CRB1: variants seen among roughly 807,000 people sequenced by gnomAD.
CRB1 encodes the protein protein crumbs homolog 1.
In CRB1, 83 loss-of-function variants were observed where a neutral mutation model predicts 120.0. That is an observed-to-expected ratio of 0.69 (90% confidence interval 0.58 to 0.83). The LOEUF (loss-of-function observed/expected upper bound fraction) is 0.83, where lower values mean the gene tolerates loss of function less well. CRB1 is among the 40% of genes least tolerant of loss of function. The pLI, the probability that CRB1 is intolerant of heterozygous loss-of-function variation, is 0.00. For missense variants in CRB1, 1,699 were observed against 1,687.6 expected, an observed-to-expected ratio of 1.01 and a Z score of -0.12; for synonymous variants, 625 against 612.5, an observed-to-expected ratio of 1.02 and a Z score of -0.30.
At chr1:197,342,679 T>C (rs537779027) in intron 2 of CRB1, among the ~76,000 whole-genome samples, 1 of 152,328 alleles carries the variant, frequency 6.6e-6, no homozygotes, top group East Asian at 1.9e-4. Context: ...TTATTCTAAA[T>C]TCTCTTTTAG....
intron 4 of CRB1, among the ~76,000 whole-genome samples, chr1:197,353,439 G>C (rs959942340): frequency 3.9e-5 from 6 of 152,176 alleles, no homozygotes; most frequent in Non-Finnish European, 7.3e-5. Context: ...ACTGTAAATT[G>C]TTTCCAAAAC....
In CRB1 at chr1:197,392,821, A is replaced by C. The variant is rs770168884; in HGVS notation, c.1172-28179A>C. On this transcript the variant is annotated intron_variant, in intron 5 of 11. Transcript: ENST00000367400. Reference sequence around the variant, plus strand: ...GGGAAGCTGTCCTTGCAAAGGAATTAAGTATTATTTGAAATGAGAAAGTGT... The same window carrying C: ...GGGAAGCTGTCCTTGCAAAGGAATTCAGTATTATTTGAAATGAGAAAGTGT... 1.3e-5 allele frequency among the ~76,000 whole-genome samples: 2 copies of C among 152,220 alleles called. 1 individual carries two copies. The highest frequency in any genetic ancestry group is 6.8e-3 in the Middle Eastern group (2 of 294).
intron 5 of CRB1, among the ~76,000 whole-genome samples, chr1:197,395,120 C>T (rs12121624): frequency 6.6e-6 from 1 of 152,196 alleles, no homozygotes; most frequent in East Asian, 1.9e-4. Context: ...CCACATTAAG[C>T]TGGAATCTAA....
At chr1:197,431,806 A>C (rs912912246) in intron 8 of CRB1, among the ~76,000 whole-genome samples, 1 of 152,220 alleles carries the variant, frequency 6.6e-6, no homozygotes, top group Non-Finnish European at 1.5e-5. Flanking sequence ...TGTAGAGAGA[A>C]AACGTAAATA....
intron 2 of CRB1, among the ~76,000 whole-genome samples, chr1:197,331,026 C>CA (rs1184325286): frequency 2.6e-5 from 4 of 151,920 alleles, no homozygotes; most frequent in African/African-American, 4.8e-5. Flanking sequence ...ACTAAAAATA[C>CA]AAAAAATTAG....
chr1:197,418,820 T>C (rs1367838382), intron 5 of CRB1, among the ~76,000 whole-genome samples: 1 of 152,122 alleles, frequency 6.6e-6, no homozygotes, highest in Non-Finnish European at 1.5e-5. Flanking sequence ...AAACAGGCAT[T>C]TTCCTTCCTT....
chr1:197,455,385 G>T (rs537561564), intron 11 of CRB1, among the ~76,000 whole-genome samples: 2 of 152,104 alleles, frequency 1.3e-5, no homozygotes, highest in African/African-American at 4.8e-5. Context: ...TTTGGCATCA[G>T]TTCCATCTAT....
chr1:197,465,014 G>A (rs979155190), intron 11 of CRB1, among the ~76,000 whole-genome samples: 1 of 151,946 alleles, frequency 6.6e-6, no homozygotes, highest in African/African-American at 2.4e-5. Context: ...CCTTTCCTTG[G>A]GCAAGGGTCT....
intron 1 of CRB1, among the ~76,000 whole-genome samples, chr1:197,310,109 A>C (rs1657425768): frequency 6.6e-6 from 1 of 152,170 alleles, no homozygotes; most frequent in South Asian, 2.1e-4. Context: ...TGAATGATAA[A>C]TTTCTCTATG....
rs1254393801 is a variant in CRB1 at position 197,429,468 on chromosome 1, G to T, written c.2696G>T (p.Gly899Val). ...NSCKSNPCHN[G>V]GVCHSRWDDF... Reference sequence around the variant, plus strand: ...GCTCAGTCCAACCCCTGTCACAATGGAGGTGTTTGCCATTCCCGGTGGGAT... The same window carrying T: ...GCTCAGTCCAACCCCTGTCACAATGTAGGTGTTTGCCATTCCCGGTGGGAT... Residue 899 changes from glycine to valine, a missense_variant, in exon 8 of 12, where the codon GGA (glycine) becomes GTA (valine). Gly to Val is a moderately radical substitution (Grantham distance 109). Coordinates refer to ENST00000367400, the MANE Select transcript of CRB1 (RefSeq NM_201253.3). 1 of 1,613,942 alleles carries T rather than the reference G, an allele frequency of 6.2e-7. No individual in the cohort carries two copies. The highest frequency in any genetic ancestry group is 8.5e-7 in the Non-Finnish European group (1 of 1,179,944).
At chr1:197,279,344 G>A (rs1297248099) in intron 1 of CRB1, among the ~76,000 whole-genome samples, 1 of 151,650 alleles carries the variant, frequency 6.6e-6, no homozygotes, top group Non-Finnish European at 1.5e-5. Context: ...CAGACTAGGA[G>A]CCTTAAAAGA....
At chr1:197,252,331 T>C in the CRB1 span, among the ~76,000 whole-genome samples, 4 of 150,928 alleles carry the variant, frequency 2.7e-5, no homozygotes, top group Admixed American at 1.3e-4. Flanking sequence ...GGTCTCGAAA[T>C]AGGTGGCTAT....
At chr1:197,461,631 G>GATTTACTCAA (rs1302075456) in intron 11 of CRB1, among the ~76,000 whole-genome samples, 1 of 152,106 alleles carries the variant, frequency 6.6e-6, no homozygotes, top group Non-Finnish European at 1.5e-5. Flanking sequence ...TTAAAGACCT[G>GATTTACTCAA]TCCACTGATT....
At chr1:197,207,621 T>C in the CRB1 span, among the ~76,000 whole-genome samples, 961 of 152,324 alleles carry the variant, frequency 6.3e-3, 14 homozygotes, top group African/African-American at 0.022. Flanking sequence ...ATGGGTTACC[T>C]GATACTTTTG....
chr1:197,421,291 T>C lies in CRB1; in HGVS notation c.1463T>C (p.Phe488Ser), dbSNP rs777377174. The C allele has an allele frequency of 1.2e-6, 2 of 1,614,074 alleles. No homozygotes were observed. The highest frequency in any genetic ancestry group is 2.7e-5 in the African/African-American group (2 of 74,932). The part of the protein sequence containing the change: ...SLCEIATTLS[F>S]EGDGFLWVKS... ...TGTGAAATCGCAACCACACTTTCAT[T>C]TGAGGGCGATGGCTTCCTGTGGGTC... Residue 488 changes from phenylalanine (F) to serine (S), a missense_variant, in exon 6 of 12, where the codon TTT (phenylalanine) becomes TCT (serine). Transcript: ENST00000367400.
In CRB1 at chr1:197,435,507, T is replaced by C. The variant is rs1201987849; in HGVS notation, c.3644T>C (p.Ile1215Thr). The C allele has an allele frequency of 1.9e-6, 3 of 1,611,224 alleles. No homozygotes were observed. The highest frequency in any genetic ancestry group is 1.1e-5 in the South Asian group (1 of 90,420). The change falls in exon 9 of 12, where the codon ATA (isoleucine) becomes ACA (threonine). Residue 1215 changes from isoleucine (I) to threonine (T), a missense_variant. Transcript: ENST00000367400. ...GYTGVNCEVD[I>T]DNCQSHQCAN... Reference sequence around the variant, plus strand: ...ACTGGTGTGAACTGTGAAGTGGATATAGACAACTGCCAGAGTCACCAGTGT... The same window carrying C: ...ACTGGTGTGAACTGTGAAGTGGATACAGACAACTGCCAGAGTCACCAGTGT...
chr1:197,325,864 A>C, intron 1 of CRB1, among the ~76,000 whole-genome samples: 1 of 152,202 alleles, frequency 6.6e-6, no homozygotes, highest in East Asian at 1.9e-4. Context: ...TATGAGCAAT[A>C]ATAGGAGTTT....
chr1:197,275,557 C>G (rs576329382), intron 1 of CRB1, among the ~76,000 whole-genome samples: 1 of 152,028 alleles, frequency 6.6e-6, no homozygotes. Flanking sequence ...TTACACTGTC[C>G]CTACCTTTTA....
chr1:197,252,569 T>TAA, the CRB1 span, among the ~76,000 whole-genome samples: 1 of 51,824 alleles, frequency 1.9e-5, no homozygotes, highest in Admixed American at 2.3e-4. Context: ...TATATATATA[T>TAA]ATATATATAT....
Sources: allele counts gnomAD v4.1 joint callset (sites outside exome capture counted in the v4.1 genomes callset), GRCh38; gene constraint gnomAD v4.1.1; transcripts MANE v1.5; gene names NCBI Gene and HGNC (gene_info 2026-07-23, HGNC 2026-07-21).